GRID1: variants seen among roughly 807,000 people sequenced by gnomAD.
GRID1 encodes the protein glutamate receptor ionotropic, delta-1.
GRID1 carries 28 observed loss-of-function variants against 98.0 expected under a neutral mutation model. The observed-to-expected ratio is 0.29, with a 90% CI of 0.21 to 0.39. The LOEUF (loss-of-function observed/expected upper bound fraction) is 0.39, where lower values mean the gene tolerates loss of function less well. GRID1 is among the 10% of genes least tolerant of loss of function. The pLI is 1.00. For synonymous variants in GRID1, 553 were observed against 538.5 expected (o/e 1.03, Z -0.37); for missense variants, 1,111 against 1,340.5 (o/e 0.83, Z 2.67).
intron 8 of GRID1, among the ~76,000 whole-genome samples, chr10:85,766,965 A>G (rs1392855351): frequency 6.6e-6 from 1 of 152,160 alleles, no homozygotes; most frequent in Non-Finnish European, 1.5e-5. Context: ...GTGTGTAACT[A>G]GAGGGGAAGA....
At chr10:85,628,016 C>CGT (rs143954388) in intron 13 of GRID1, among the ~76,000 whole-genome samples, 6 of 151,332 alleles carry the variant, frequency 4.0e-5, no homozygotes, top group African/African-American at 1.2e-4. Context: ...AGAGTGTGAG[C>CGT]GTGTGTGTGT....
chr10:86,224,353 G>A lies in GRID1; in HGVS notation c.236-17705C>T, dbSNP rs147849070. 3.5e-3 allele frequency among the ~76,000 whole-genome samples: 534 copies of A among 152,236 alleles called. 6 individuals are homozygous for A. The highest frequency in any genetic ancestry group is 0.012 in the African/African-American group (508 of 41,524). ...TCCCCCAGTACATTCTTGAAAGGTG[G>A]CCCACACTCCATTCAGCTCATGAGA... is the stretch of plus-strand genomic sequence containing the variant. On this transcript the variant is annotated intron_variant, in intron 2 of 15. Coordinates refer to ENST00000327946, the MANE Select transcript of GRID1 (RefSeq NM_017551.3).
At chr10:85,910,560 A>C (rs556897328) in intron 5 of GRID1, among the ~76,000 whole-genome samples, 12 of 152,308 alleles carry the variant, frequency 7.9e-5, no homozygotes, top group African/African-American at 2.9e-4. Flanking sequence ...GTAAGTGATA[A>C]GATGGGGGCT....
intron 4 of GRID1, among the ~76,000 whole-genome samples, chr10:85,967,803 A>G (rs545947937): frequency 6.6e-6 from 1 of 152,330 alleles, no homozygotes; most frequent in East Asian, 1.9e-4. Flanking sequence ...ACTGATGAGG[A>G]ATAAGATTGT....
At chr10:86,104,645 G>A (rs1731673226) in intron 4 of GRID1, among the ~76,000 whole-genome samples, 1 of 152,228 alleles carries the variant, frequency 6.6e-6, no homozygotes, top group Non-Finnish European at 1.5e-5. Flanking sequence ...TGAATGCCCA[G>A]AGTCATTCCT....
chr10:86,111,261 C>A (rs889474272), intron 4 of GRID1, among the ~76,000 whole-genome samples: 1 of 152,180 alleles, frequency 6.6e-6, no homozygotes, highest in Non-Finnish European at 1.5e-5. Flanking sequence ...TTGGCCACAG[C>A]AAGTCACAGG....
At chr10:85,843,498 C>T (rs371104150) in intron 8 of GRID1, among the ~76,000 whole-genome samples, 4 of 151,788 alleles carry the variant, frequency 2.6e-5, no homozygotes, top group African/African-American at 9.7e-5. Flanking sequence ...AAAGGAAAAG[C>T]CAAATACAAA....
At chr10:85,881,280 G>A (rs1490860661) in intron 5 of GRID1, among the ~76,000 whole-genome samples, 1 of 152,072 alleles carries the variant, frequency 6.6e-6, no homozygotes, top group Non-Finnish European at 1.5e-5. Flanking sequence ...CTACTTTAAA[G>A]TTCATATGGA....
At chr10:85,931,948 T>C (rs997341933) in intron 4 of GRID1, among the ~76,000 whole-genome samples, 1 of 152,194 alleles carries the variant, frequency 6.6e-6, no homozygotes, top group Non-Finnish European at 1.5e-5. Context: ...TATTATATCC[T>C]GCCAGAAGAG....
intron 2 of GRID1, among the ~76,000 whole-genome samples, chr10:86,353,819 A>G (rs1848497106): frequency 6.6e-6 from 1 of 152,206 alleles, no homozygotes; most frequent in African/African-American, 2.4e-5. Flanking sequence ...CTCCTGGGAC[A>G]CAGGAGGACC....
At chr10:85,675,740 G>A (rs1429553114) in intron 12 of GRID1, among the ~76,000 whole-genome samples, 1 of 152,208 alleles carries the variant, frequency 6.6e-6, no homozygotes, top group African/African-American at 2.4e-5. Context: ...GTATAAAATT[G>A]CCATGCAGCC....
chr10:86,311,252 G>A (rs1847828068), intron 2 of GRID1, among the ~76,000 whole-genome samples: 1 of 152,190 alleles, frequency 6.6e-6, no homozygotes, highest in Non-Finnish European at 1.5e-5. Flanking sequence ...TAGCCAGCAA[G>A]TACAGACTCA....
chr10:86,081,209 T>C (rs1843973824), intron 4 of GRID1, among the ~76,000 whole-genome samples: 1 of 152,090 alleles, frequency 6.6e-6, no homozygotes, highest in South Asian at 2.1e-4. Flanking sequence ...GGTTAACTAT[T>C]TTGAAGAGTT....
At chr10:86,177,524 G>GGT (rs1266384046) in intron 3 of GRID1, among the ~76,000 whole-genome samples, 2 of 152,042 alleles carry the variant, frequency 1.3e-5, no homozygotes, top group Admixed American at 6.6e-5. Flanking sequence ...CAGAGATTTT[G>GGT]GTGTGTGTGT....
At chr10:86,320,773 C>T (rs1847959237) in intron 2 of GRID1, among the ~76,000 whole-genome samples, 3 of 152,138 alleles carry the variant, frequency 2.0e-5, no homozygotes, top group Admixed American at 1.3e-4. Context: ...ACAAGATGTT[C>T]ATTGTGGCTT....
intron 8 of GRID1, among the ~76,000 whole-genome samples, chr10:85,806,104 T>C (rs1208030529): frequency 6.7e-6 from 1 of 149,832 alleles, no homozygotes; most frequent in African/African-American, 2.4e-5. Context: ...TTGAAGAAAT[T>C]ATATAACTCA....
chr10:86,295,658 G>T (rs1041571410), intron 2 of GRID1, among the ~76,000 whole-genome samples: 1 of 152,192 alleles, frequency 6.6e-6, no homozygotes, highest in Non-Finnish European at 1.5e-5. Flanking sequence ...AACTGGTCAC[G>T]TGGGTGTTCT....
At chr10:85,921,443 G>A (rs1841702093) in intron 4 of GRID1, among the ~76,000 whole-genome samples, 1 of 152,218 alleles carries the variant, frequency 6.6e-6, no homozygotes, top group Non-Finnish European at 1.5e-5. Flanking sequence ...CAAGAGCTGA[G>A]TTGTAAGTGA....
At position 85,772,138 on chromosome 10, in the gene GRID1, C is replaced by T. The variant is rs190167154; in HGVS notation, c.1234-42524G>A. Among the ~76,000 whole-genome samples the T allele has an allele frequency of 2.9e-3, 444 of 152,242 alleles. 4 individuals are homozygous for T. Among genetic ancestry groups the T allele is most frequent in the African/African-American group, 1.0e-2 (414 of 41,520 alleles). On this transcript the variant is annotated intron_variant, in intron 8 of 15. Coordinates refer to ENST00000327946, the MANE Select transcript of GRID1 (RefSeq NM_017551.3). Reference sequence around the variant, plus strand: ...ACAAACTGTCTCTCAGACCACAGTGCAATCAAACTAGAACTCAGGATTAAG... The same window carrying T: ...ACAAACTGTCTCTCAGACCACAGTGTAATCAAACTAGAACTCAGGATTAAG...
Sources: gnomAD v4.1 joint callset for allele counts (sites outside exome capture counted in the v4.1 genomes callset) on GRCh38, gnomAD v4.1.1 for gene constraint, MANE v1.5 for transcripts, NCBI Gene and HGNC (gene_info 2026-07-23, HGNC 2026-07-21) for gene names.